The following C12orf42 variants were observed in gnomAD, a reference collection of about 807,000 sequenced individuals.
C12orf42 encodes chromosome 12 open reading frame 42, also known as uncharacterized protein C12orf42.
A neutral mutation model predicts 21.6 loss-of-function variants in C12orf42; 25 were observed. The ratio of observed to expected loss-of-function variants is 1.16; its 90% CI spans 0.84 to 1.62. The LOEUF is 1.62. C12orf42 is among the 40% of genes most tolerant of loss of function. The pLI, the probability that C12orf42 is intolerant of heterozygous loss-of-function variation, is 0.00. For missense variants in C12orf42, 483 were observed against 459.3 expected (o/e 1.05, Z -0.47); for synonymous variants, 174 against 175.0 (o/e 0.99, Z 0.05).
intron 2 of C12orf42, among the ~76,000 whole-genome samples, chr12:103,458,747 T>C (rs1952483669): frequency 6.6e-6 from 1 of 152,146 alleles, no homozygotes; most frequent in Non-Finnish European, 1.5e-5. Context: ...TTTGCTATAA[T>C]GCTATAAACT....
intron 2 of C12orf42, among the ~76,000 whole-genome samples, chr12:103,433,991 AAACT>A (rs1391834067): frequency 6.6e-6 from 1 of 152,214 alleles, no homozygotes; most frequent in African/African-American, 2.4e-5. Context: ...AAGAGTTTTA[AAACT>A]AACTTGGTTC....
chr12:103,293,196 C>T (rs1048409101), intron 4 of C12orf42, among the ~76,000 whole-genome samples: 1 of 152,028 alleles, frequency 6.6e-6, no homozygotes, highest in East Asian at 1.9e-4. Context: ...TCTCTGGTCT[C>T]CTCTTTCTCT....
intron 2 of C12orf42, among the ~76,000 whole-genome samples, chr12:103,457,402 G>C (rs375306763): frequency 1.3e-5 from 2 of 152,212 alleles, no homozygotes; most frequent in South Asian, 4.1e-4. Flanking sequence ...CCCAAAAATT[G>C]CTAGTCTGCC....
chr12:103,442,138 C>T (rs1951286157), intron 2 of C12orf42, among the ~76,000 whole-genome samples: 1 of 152,012 alleles, frequency 6.6e-6, no homozygotes, highest in African/African-American at 2.4e-5. Context: ...AGAAAGGCTC[C>T]ATCTCAAAAA....
intron 3 of C12orf42, among the ~76,000 whole-genome samples, chr12:103,400,823 G>A (rs1256963598): frequency 6.6e-6 from 1 of 152,162 alleles, no homozygotes; most frequent in Admixed American, 6.5e-5. Flanking sequence ...TCCTCCTCAT[G>A]TGCTTGGGAT....
At chr12:103,076,857 G>A in the C12orf42 span, among the ~76,000 whole-genome samples, 1 of 152,062 alleles carries the variant, frequency 6.6e-6, no homozygotes, top group Non-Finnish European at 1.5e-5. Flanking sequence ...AGGAAACTGA[G>A]ATACAAAAAG....
At chr12:103,095,599 C>A in the C12orf42 span, among the ~76,000 whole-genome samples, 1 of 152,188 alleles carries the variant, frequency 6.6e-6, no homozygotes, top group African/African-American at 2.4e-5. Context: ...CAATGCATTG[C>A]CTTCCAACAT....
intron 1 of C12orf42, among the ~76,000 whole-genome samples, chr12:103,486,023 G>A (rs1954808356): frequency 6.6e-6 from 1 of 152,170 alleles, no homozygotes; most frequent in Non-Finnish European, 1.5e-5. Context: ...AATAGGAGTG[G>A]TGACAGAGAA....
intron 4 of C12orf42, among the ~76,000 whole-genome samples, chr12:103,281,602 C>T (rs892006900): frequency 7.9e-5 from 12 of 152,020 alleles, no homozygotes; most frequent in South Asian, 2.1e-4. Context: ...GTGATCTGCC[C>T]GGCTCAGCCT....
At chr12:103,508,767 A>T in the C12orf42 span, among the ~76,000 whole-genome samples, 1 of 152,290 alleles carries the variant, frequency 6.6e-6, no homozygotes, top group East Asian at 1.9e-4. Flanking sequence ...AGACAGAAAC[A>T]CTTGGTTTCA....
intron 4 of C12orf42, among the ~76,000 whole-genome samples, chr12:103,294,145 A>G (rs893534751): frequency 6.6e-6 from 1 of 152,134 alleles, no homozygotes; most frequent in African/African-American, 2.4e-5. Context: ...TGCCTTGTAC[A>G]TGGTGCATAC....
At chr12:103,193,960 T>C in the C12orf42 span, among the ~76,000 whole-genome samples, 113 of 152,180 alleles carry the variant, frequency 7.4e-4, 1 homozygote, top group Non-Finnish European at 1.4e-3. Flanking sequence ...CAAACCACAT[T>C]AGAAGCATCA....
Position 103,246,993 on chromosome 12 carries a change from C to A in C12orf42, c.*1367-9091G>T, listed in dbSNP as rs778560972. On this transcript the variant is annotated intron_variant and NMD_transcript_variant, in intron 10 of 10. Coordinates refer to the C12orf42 transcript ENST00000547347. ...AAATAAGATTTTCATATTTTATTTTCTTTATTTGCAATAATTTATTTCATT... is the reference window on the plus strand; with the variant it reads ...AAATAAGATTTTCATATTTTATTTTATTTATTTGCAATAATTTATTTCATT... Among the ~76,000 whole-genome samples the A allele has an allele frequency of 3.5e-4, 52 of 149,360 alleles. 1 individual carries two copies. The highest frequency in any genetic ancestry group is 5.4e-4 in the Non-Finnish European group (36 of 66,196).
intron 3 of C12orf42, among the ~76,000 whole-genome samples, chr12:103,390,721 T>C (rs117397179): frequency 3.5e-4 from 54 of 152,268 alleles, no homozygotes; most frequent in Middle Eastern, 3.4e-3. Context: ...TAACTCCCAG[T>C]CCAAGTCCAA....
chr12:103,538,089 G>A, the C12orf42 span, among the ~76,000 whole-genome samples: 2 of 152,196 alleles, frequency 1.3e-5, no homozygotes, highest in African/African-American at 2.4e-5. Flanking sequence ...TAAACCACAA[G>A]AGATCACTTA....
chr12:103,205,577 C>T, the C12orf42 span, among the ~76,000 whole-genome samples: 45 of 152,042 alleles, frequency 3.0e-4, no homozygotes, highest in Non-Finnish European at 5.1e-4. Flanking sequence ...TGGGTGGGGG[C>T]ACAGCAAAAC....
the C12orf42 span, among the ~76,000 whole-genome samples, chr12:103,077,885 G>T: frequency 1.3e-5 from 2 of 152,158 alleles, no homozygotes; most frequent in Non-Finnish European, 2.9e-5. Context: ...CCTCATTGGT[G>T]ACATTCATTC....
At chr12:103,315,071 C>G (rs1854161253) in intron 4 of C12orf42, among the ~76,000 whole-genome samples, 1 of 152,132 alleles carries the variant, frequency 6.6e-6, no homozygotes, top group Non-Finnish European at 1.5e-5. Flanking sequence ...GCAGCTACAA[C>G]AAACATTAAA....
chr12:103,156,058 T>C, the C12orf42 span: 679 of 152,128 alleles, frequency 4.5e-3, 5 homozygotes, highest in African/African-American at 0.016. Flanking sequence ...TTTTATTAAG[T>C]AGTGTTATAA....
Sources: allele counts gnomAD v4.1 joint callset (sites outside exome capture counted in the v4.1 genomes callset), GRCh38; gene constraint gnomAD v4.1.1; transcripts MANE v1.5; gene names NCBI Gene and HGNC (gene_info 2026-07-23, HGNC 2026-07-21).